Variants in NBAS observed in about 807,000 individuals in gnomAD.
NBAS encodes NBAS subunit of NRZ tethering complex, also known as NAG/BC035112 fusion.
In NBAS, 219 loss-of-function variants were observed where a neutral mutation model predicts 302.5. The ratio of observed to expected loss-of-function variants is 0.72; its 90% CI spans 0.65 to 0.81. The LOEUF is 0.81. Ranked by LOEUF, NBAS falls within the 30% of genes least tolerant of loss-of-function variation. The pLI is 0.00. For synonymous variants in NBAS, 1,118 were observed against 1,021.6 expected, an observed-to-expected ratio of 1.09 and a Z score of -1.80; for missense variants, 2,932 against 2,841.6, an observed-to-expected ratio of 1.03 and a Z score of -0.72.
chr2:15,217,686 G>C (rs1044990961), intron 48 of NBAS, among the ~76,000 whole-genome samples: 5 of 152,190 alleles, frequency 3.3e-5, no homozygotes, highest in African/African-American at 1.2e-4. Context: ...ATGGCCTCAG[G>C]TGCATCAATT....
intron 9 of NBAS, among the ~76,000 whole-genome samples, chr2:15,513,844 G>C (rs1462022565): frequency 6.6e-6 from 1 of 151,814 alleles, no homozygotes; most frequent in Non-Finnish European, 1.5e-5. Context: ...AAATCAGCCA[G>C]GTGTAGTCAT....
chr2:15,158,654 C>T, the NBAS span, among the ~76,000 whole-genome samples: 1 of 152,222 alleles, frequency 6.6e-6, no homozygotes, highest in Non-Finnish European at 1.5e-5. Flanking sequence ...GCAGACCCAG[C>T]CAGAGTCGGG....
chr2:15,530,600 GA>G (rs1663171196), intron 9 of NBAS, among the ~76,000 whole-genome samples: 1 of 151,764 alleles, frequency 6.6e-6, no homozygotes, highest in South Asian at 2.1e-4. Context: ...TATTTATACA[GA>G]AAAAATTAAA....
intron 46 of NBAS, 61 bp downstream of exon 46, chr2:15,234,484 T>C: frequency 2.6e-6 from 4 of 1,531,658 alleles, no homozygotes; most frequent in Non-Finnish European, 9.0e-7. Context: ...GATGACAGTT[T>C]AGCACCATCA....
At chr2:15,532,445 C>T (rs142927429) in intron 9 of NBAS, among the ~76,000 whole-genome samples, 5 of 145,660 alleles carry the variant, frequency 3.4e-5, no homozygotes, top group South Asian at 2.2e-4. Context: ...GCCGAGATTG[C>T]GCCACTGCAC....
the NBAS span, among the ~76,000 whole-genome samples, chr2:14,942,300 G>T: frequency 6.6e-6 from 1 of 152,168 alleles, no homozygotes; most frequent in African/African-American, 2.4e-5. Flanking sequence ...GTAGGGCCTG[G>T]TGGAAAGTGA....
chr2:15,493,953 G>A (rs574540067), intron 11 of NBAS, among the ~76,000 whole-genome samples: 14 of 150,414 alleles, frequency 9.3e-5, no homozygotes, highest in African/African-American at 2.2e-4. Flanking sequence ...AGCCTCCCAC[G>A]TAGCTGGGAT....
At chr2:15,269,145 G>A (rs1036584667) in intron 44 of NBAS, among the ~76,000 whole-genome samples, 1 of 152,160 alleles carries the variant, frequency 6.6e-6, no homozygotes, top group Non-Finnish European at 1.5e-5. Flanking sequence ...GACAGTGACA[G>A]CCACTGGACA....
chr2:15,004,053 T>C, the NBAS span, among the ~76,000 whole-genome samples: 2 of 152,228 alleles, frequency 1.3e-5, no homozygotes, highest in Non-Finnish European at 2.9e-5. Flanking sequence ...CTGGAATCTA[T>C]AACATTTAAG....
the NBAS span, among the ~76,000 whole-genome samples, chr2:15,017,257 A>G: frequency 2.2e-3 from 335 of 152,268 alleles, 2 homozygotes; most frequent in African/African-American, 7.7e-3. Context: ...GGATCTGGAA[A>G]AAATGATTTT....
chr2:15,318,662 C>T (rs1254774040), intron 38 of NBAS, among the ~76,000 whole-genome samples: 3 of 152,124 alleles, frequency 2.0e-5, no homozygotes, highest in African/African-American at 7.2e-5. Context: ...GAGGCCATTA[C>T]ATAATGGTAA....
intron 21 of NBAS, among the ~76,000 whole-genome samples, chr2:15,436,851 C>T (rs928813566): frequency 2.0e-5 from 3 of 152,020 alleles, no homozygotes; most frequent in Non-Finnish European, 2.9e-5. Flanking sequence ...GTTTTTGATT[C>T]GTTAGTGGAA....
At chr2:15,485,558 A>C (rs1680588617) in intron 12 of NBAS, among the ~76,000 whole-genome samples, 1 of 152,256 alleles carries the variant, frequency 6.6e-6, no homozygotes, top group Non-Finnish European at 1.5e-5. Flanking sequence ...TCTATTGCTT[A>C]CTTGTTGCAC....
the NBAS span, among the ~76,000 whole-genome samples, chr2:15,104,958 T>C: frequency 2.0e-5 from 3 of 152,136 alleles, no homozygotes; most frequent in African/African-American, 7.2e-5. Flanking sequence ...GCCCCACACA[T>C]ATATTTATTG....
the NBAS span, among the ~76,000 whole-genome samples, chr2:14,816,313 C>T: frequency 6.6e-6 from 1 of 152,320 alleles, no homozygotes; most frequent in Non-Finnish European, 1.5e-5. Flanking sequence ...CTCATAGGAG[C>T]ATGAACCCTA....
chr2:14,870,513 A>G, the NBAS span, among the ~76,000 whole-genome samples: 2 of 152,178 alleles, frequency 1.3e-5, no homozygotes, highest in African/African-American at 4.8e-5. Flanking sequence ...TTGAGAAGGT[A>G]TTGCCTCAGC....
At chr2:15,469,892 C>T (rs1201956532) in intron 16 of NBAS, among the ~76,000 whole-genome samples, 2 of 151,230 alleles carry the variant, frequency 1.3e-5, no homozygotes, top group South Asian at 2.1e-4. Flanking sequence ...ATGTAAATGA[C>T]GAGTTAATGG....
chr2:14,832,207 C>T, the NBAS span, among the ~76,000 whole-genome samples: 2 of 152,116 alleles, frequency 1.3e-5, no homozygotes, highest in African/African-American at 4.8e-5. Flanking sequence ...ATTCAGTCAC[C>T]CATTTAGAAC....
At chr2:14,799,873 T>G in the NBAS span, among the ~76,000 whole-genome samples, 4 of 152,184 alleles carry the variant, frequency 2.6e-5, no homozygotes, top group Non-Finnish European at 5.9e-5. Context: ...ATATAGTCAC[T>G]CCACTCGTCG....
Sources: allele counts gnomAD v4.1 joint callset (sites outside exome capture counted in the v4.1 genomes callset), GRCh38; gene constraint gnomAD v4.1.1; transcripts MANE v1.5; gene names NCBI Gene and HGNC (gene_info 2026-07-23, HGNC 2026-07-21).